The following ASH1L variants were observed in gnomAD, a reference collection of about 807,000 sequenced individuals.
ASH1L encodes ASH1 like histone lysine methyltransferase.
ASH1L carries 23 observed loss-of-function variants against 269.0 expected under a neutral mutation model. The observed-to-expected ratio is 0.09, with a 90% CI of 0.06 to 0.12. ASH1L has a LOEUF of 0.12. Ranked by LOEUF, ASH1L falls within the 10% of genes least tolerant of loss-of-function variation. The probability of loss-of-function intolerance (pLI) is 1.00; values close to 1 mark genes in which losing one functional copy is unlikely to be tolerated. For missense variants in ASH1L, 2,912 were observed against 3,567.8 expected, an observed-to-expected ratio of 0.82 and a Z score of 4.68; for synonymous variants, 1,187 against 1,253.5, an observed-to-expected ratio of 0.95 and a Z score of 1.12.
At chr1:155,494,752 A>G (rs1158691842) in intron 2 of ASH1L, among the ~76,000 whole-genome samples, 1 of 152,214 alleles carries the variant, frequency 6.6e-6, no homozygotes, top group Non-Finnish European at 1.5e-5. Context: ...AAAGTAGAGA[A>G]GCCTAAGAAG....
Position 155,346,389 on chromosome 1 carries a change from C to A in ASH1L, c.7884G>T (p.Val2628=). ...TATCAGAGGTTCAGCTTACCCTGTC[C>A]ACAGGCCTTGGGTCACACTGCTCAC... ...YLCEQCDPRP[V]DREVPMIPRP... is the part of the protein sequence containing the mutation. Residue 2628 remains valine, a synonymous_variant, in exon 21 of 28, where the codon GTG becomes GTT. Transcript: ENST00000392403. 4 of 1,613,950 alleles carry A rather than the reference C, an allele frequency of 2.5e-6. No individual in the cohort carries two copies. The highest frequency in any genetic ancestry group is 3.4e-6 in the Non-Finnish European group (4 of 1,179,928).
At chr1:155,538,833 A>C (rs1670234891) in intron 1 of ASH1L, among the ~76,000 whole-genome samples, 1 of 151,932 alleles carries the variant, frequency 6.6e-6, no homozygotes, top group African/African-American at 2.4e-5. Context: ...TTCCCTGTGT[A>C]ATTTATTATA....
chr1:155,534,700 G>A (rs1239588855), intron 1 of ASH1L, among the ~76,000 whole-genome samples: 1 of 152,054 alleles, frequency 6.6e-6, no homozygotes, highest in East Asian at 1.9e-4. Context: ...CAAAGAGAGA[G>A]CTGAAAATAT....
intron 3 of ASH1L, among the ~76,000 whole-genome samples, chr1:155,471,043 G>C (rs1006884417): frequency 6.6e-6 from 1 of 151,984 alleles, no homozygotes; most frequent in African/African-American, 2.4e-5. Flanking sequence ...ACTTTTCCTC[G>C]ACTGGTTTTT....
At chr1:155,342,180 A>G (rs1339873219) in intron 24 of ASH1L, 78 bp from the exon 25 acceptor site, 1 of 1,372,594 alleles carries the variant, frequency 7.3e-7, no homozygotes, top group Non-Finnish European at 1.0e-6. Context: ...CATACACACC[A>G]ATGGGAGAGC....
At chr1:155,505,418 T>C (rs575826734) in intron 2 of ASH1L, among the ~76,000 whole-genome samples, 3 of 152,350 alleles carry the variant, frequency 2.0e-5, no homozygotes, top group South Asian at 2.1e-4. Context: ...GCACAATTTT[T>C]TTTTACAGCA....
At chr1:155,405,043 A>G (rs1659155125) in intron 6 of ASH1L, among the ~76,000 whole-genome samples, 1 of 151,566 alleles carries the variant, frequency 6.6e-6, no homozygotes, top group Admixed American at 6.6e-5. Context: ...AATAATAATA[A>G]TAGAATAAAA....
chr1:155,530,046 C>T (rs1486463222), intron 1 of ASH1L, among the ~76,000 whole-genome samples: 1 of 152,096 alleles, frequency 6.6e-6, no homozygotes, highest in African/African-American at 2.4e-5. Context: ...ACCTTGGGAC[C>T]TTTGCACTTA....
Position 155,433,489 on chromosome 1 carries a change from G to A in ASH1L, c.5828+4838C>T, listed in dbSNP as rs113187508. The stretch of plus-strand genomic sequence containing the variant: ...CTGAGGGCGAAGCAGGAGTCAGGGT[G>A]GAGAGCAACTCCGATGGCACCTCCC... On this transcript the variant is annotated intron_variant, in intron 5 of 27. Transcript: ENST00000392403. The A allele has an allele frequency of 3.3e-5, 53 of 1,610,740 alleles. 1 individual carries two copies. In the African/African-American group the frequency reaches 4.5e-4, roughly 14 times the overall value.
At chr1:155,503,911 G>T (rs989439424) in intron 2 of ASH1L, among the ~76,000 whole-genome samples, 2 of 152,104 alleles carry the variant, frequency 1.3e-5, no homozygotes, top group African/African-American at 2.4e-5. Flanking sequence ...TTTTTGTACA[G>T]GGGGGTTTCA....
intron 15 of ASH1L, 102 bp downstream of exon 15, chr1:155,357,214 C>T: frequency 3.0e-6 from 2 of 667,232 alleles, no homozygotes; most frequent in Admixed American, 3.3e-5. Flanking sequence ...TGGCTTAAGA[C>T]AAAAGAAAGT....
chr1:155,384,328 G>A (rs1258733132), intron 7 of ASH1L, among the ~76,000 whole-genome samples: 1 of 151,964 alleles, frequency 6.6e-6, no homozygotes, highest in African/African-American at 2.4e-5. Flanking sequence ...TAGAAGATTC[G>A]GAGTTGACAA....
intron 5 of ASH1L, 122 bp from the exon 6 acceptor site, chr1:155,416,045 G>A (rs1660181859): frequency 2.7e-6 from 2 of 734,192 alleles, no homozygotes; most frequent in Admixed American, 3.5e-5. Context: ...TTCCTTATCT[G>A]GCCATGTTTA....
intron 1 of ASH1L, among the ~76,000 whole-genome samples, chr1:155,531,365 CTT>C (rs34974040): frequency 6.8e-6 from 1 of 146,200 alleles, no homozygotes. Flanking sequence ...CCAAAGAATT[CTT>C]TTTTTTTTTG....
At chr1:155,498,047 C>T (rs959578651) in intron 2 of ASH1L, among the ~76,000 whole-genome samples, 4 of 151,952 alleles carry the variant, frequency 2.6e-5, no homozygotes, top group African/African-American at 7.3e-5. Flanking sequence ...CCACCACGCC[C>T]GGCCAAAAGA....
intron 2 of ASH1L, among the ~76,000 whole-genome samples, chr1:155,490,665 CTCT>C (rs1036448624): frequency 1.3e-5 from 2 of 151,460 alleles, no homozygotes; most frequent in Admixed American, 1.3e-4. Flanking sequence ...CTCTCTCTCT[CTCT>C]TTTTCTGGCC....
Position 155,453,715 on chromosome 1 carries a change from C to G in ASH1L, c.5086+6082G>C, listed in dbSNP as rs1663661484. ...TCGGGAGGCTGAGGTAGCAGAATCACTTGAACCCGGGAGGCAGAGGCTTCA... is the reference window on the plus strand; with the variant it reads ...TCGGGAGGCTGAGGTAGCAGAATCAGTTGAACCCGGGAGGCAGAGGCTTCA... On this transcript the variant is annotated intron_variant, in intron 4 of 27. Transcript: ENST00000392403. 2.0e-5 allele frequency among the ~76,000 whole-genome samples: 3 copies of G among 152,112 alleles called. No homozygotes were observed. In the South Asian group the frequency reaches 6.2e-4, roughly 31 times the overall value.
intron 5 of ASH1L, among the ~76,000 whole-genome samples, chr1:155,423,345 C>T (rs1660870462): frequency 6.6e-6 from 1 of 151,754 alleles, no homozygotes; most frequent in African/African-American, 2.4e-5. Context: ...CGTTGGGAGG[C>T]CGAGGCAGGC....
intron 5 of ASH1L, among the ~76,000 whole-genome samples, chr1:155,431,342 G>A (rs1289873883): frequency 6.6e-6 from 1 of 152,016 alleles, no homozygotes; most frequent in East Asian, 1.9e-4. Context: ...CAAGGCTGGA[G>A]TGCAGTGAAG....
Sources: gnomAD v4.1 joint callset for allele counts (sites outside exome capture counted in the v4.1 genomes callset) on GRCh38, gnomAD v4.1.1 for gene constraint, MANE v1.5 for transcripts, NCBI Gene and HGNC (gene_info 2026-07-23, HGNC 2026-07-21) for gene names.